The following MMP26 variants were observed in gnomAD, a reference collection of about 807,000 sequenced individuals.
MMP26 encodes the protein matrix metalloproteinase-26.
In MMP26, 33 loss-of-function variants were observed where a neutral mutation model predicts 31.0. The ratio of observed to expected loss-of-function variants is 1.06; its 90% confidence interval spans 0.81 to 1.42. The LOEUF is 1.42. MMP26 is among the 40% of genes most tolerant of loss of function. The pLI, the probability that MMP26 is intolerant of heterozygous loss-of-function variation, is 0.00. For synonymous variants in MMP26, 122 were observed against 114.9 expected (o/e 1.06, Z -0.40); for missense variants, 347 against 316.1 (o/e 1.10, Z -0.74).
intron 2 of MMP26, chr11:4,821,979 C>T (rs1179008718): frequency 6.2e-7 from 1 of 1,614,088 alleles, no homozygotes; most frequent in Admixed American, 1.7e-5. Context: ...ATGTTGATCT[C>T]ATCCAACTCT....
intron 2 of MMP26, among the ~76,000 whole-genome samples, chr11:4,838,940 C>T (rs2133487246): frequency 6.6e-6 from 1 of 152,288 alleles, no homozygotes; most frequent in Admixed American, 6.5e-5. Flanking sequence ...CTGCCCCTGT[C>T]ATCAGGCAAT....
chr11:4,978,847 T>C (rs1292867553), intron 2 of MMP26, among the ~76,000 whole-genome samples: 1 of 152,060 alleles, frequency 6.6e-6, no homozygotes, highest in Non-Finnish European at 1.5e-5. Flanking sequence ...AGGAATAATT[T>C]GCAGCATAAA....
intron 2 of MMP26, among the ~76,000 whole-genome samples, chr11:4,893,178 T>G (rs1850652912): frequency 6.6e-6 from 1 of 152,146 alleles, no homozygotes; most frequent in Non-Finnish European, 1.5e-5. Flanking sequence ...ATTTTATGTT[T>G]TATATCAAAT....
At chr11:4,813,930 A>G (rs777401795) in intron 2 of MMP26, among the ~76,000 whole-genome samples, 3 of 152,226 alleles carry the variant, frequency 2.0e-5, no homozygotes, top group African/African-American at 4.8e-5. Flanking sequence ...CCCGTAATCC[A>G]TAAAAAGGAA....
intron 1 of MMP26, among the ~76,000 whole-genome samples, chr11:4,747,559 T>C (rs1192256218): frequency 6.6e-6 from 1 of 152,142 alleles, no homozygotes; most frequent in African/African-American, 2.4e-5. Context: ...TTTTCTAAAA[T>C]ATATTTCATT....
chr11:4,774,720 G>A (rs1009169253), intron 2 of MMP26, among the ~76,000 whole-genome samples: 3 of 152,014 alleles, frequency 2.0e-5, no homozygotes, highest in African/African-American at 7.2e-5. Context: ...TGTCCTGAAT[G>A]GTATTGCCTA....
rs551576274 is a variant in MMP26 at position 4,810,564 on chromosome 11, A to G, written c.-145+43223A>G. ...GTGTGAGTTTGCACATAGAGTGTGT[A>G]CATGAGTATGTATATACAAGGAGTG... On this transcript the variant is annotated intron_variant, in intron 2 of 7. Coordinates refer to ENST00000380390, the MANE Select transcript of MMP26 (RefSeq NM_021801.5). Among the ~76,000 whole-genome samples, 8 of 152,374 alleles carry G rather than the reference A, an allele frequency of 5.3e-5. No homozygotes were observed. In the South Asian group the frequency reaches 1.4e-3, roughly 28 times the overall value.
intron 2 of MMP26, among the ~76,000 whole-genome samples, chr11:4,900,138 G>T (rs1850779094): frequency 6.6e-6 from 1 of 152,134 alleles, no homozygotes; most frequent in Non-Finnish European, 1.5e-5. Context: ...CTTTTGAGTG[G>T]TGTAGCCCAT....
chr11:4,853,460 A>C (rs1218130686), intron 2 of MMP26, among the ~76,000 whole-genome samples: 1 of 152,162 alleles, frequency 6.6e-6, no homozygotes, highest in Non-Finnish European at 1.5e-5. Flanking sequence ...AAAATTGAAA[A>C]CCCTTAGCAA....
intron 2 of MMP26, among the ~76,000 whole-genome samples, chr11:4,919,647 T>A (rs73405100): frequency 0.049 from 7,427 of 152,218 alleles, 634 homozygotes; most frequent in African/African-American, 0.17. Flanking sequence ...CTATTGATAA[T>A]GTTTTATGTG....
chr11:4,908,422 C>T (rs1850940047), intron 2 of MMP26: 3 of 854,398 alleles, frequency 3.5e-6, no homozygotes, highest in Non-Finnish European at 5.8e-6. Context: ...AAGTGAAAAG[C>T]TATGTAGTGC....
intron 2 of MMP26, chr11:4,944,868 G>A (rs1198585263): frequency 6.6e-6 from 1 of 151,838 alleles, no homozygotes; most frequent in Non-Finnish European, 1.5e-5. Context: ...CTACCTTGAA[G>A]AAATATTACT....
At chr11:4,856,136 A>G (rs1344875765) in intron 2 of MMP26, among the ~76,000 whole-genome samples, 4 of 152,220 alleles carry the variant, frequency 2.6e-5, no homozygotes, top group East Asian at 1.9e-4. Context: ...TGTAAAGACC[A>G]TCGATGCTAG....
intron 2 of MMP26, chr11:4,822,443 C>G: frequency 7.3e-7 from 1 of 1,373,992 alleles, no homozygotes; most frequent in South Asian, 2.4e-5. Context: ...GTAATTGTCC[C>G]AAAGTGCCCA....
In MMP26 at chr11:4,924,084, T is replaced by C. The variant is rs762060253; in HGVS notation, c.-144-63984T>C. ...ATCTCTCTGGTATCAAACCAGAAAA[T>C]GCCCAGCACAGTGGGCAGTGTGGAA... On this transcript the variant is annotated intron_variant, in intron 2 of 7. Coordinates refer to ENST00000380390, the MANE Select transcript of MMP26 (RefSeq NM_021801.5). 1.2e-4 allele frequency: 200 copies of C among 1,613,900 alleles called. No individual in the cohort carries two copies. The highest frequency in any genetic ancestry group is 1.2e-4 in the Non-Finnish European group (139 of 1,179,988).
chr11:4,769,975 C>T (rs1191839049), intron 2 of MMP26: 2 of 818,806 alleles, frequency 2.4e-6, no homozygotes, highest in East Asian at 2.6e-5. Flanking sequence ...AGAAGTGATA[C>T]ATTAAGTGTT....
At chr11:4,736,039 A>C (rs1005219022) in intron 1 of MMP26, 1 of 152,150 alleles carries the variant, frequency 6.6e-6, no homozygotes, top group East Asian at 1.9e-4. Context: ...TGCATCCCCT[A>C]TGCAACCTTC....
At chr11:4,849,831 C>T (rs1263949980) in intron 2 of MMP26, among the ~76,000 whole-genome samples, 2 of 152,090 alleles carry the variant, frequency 1.3e-5, no homozygotes, top group African/African-American at 2.4e-5. Context: ...ATGATTTATA[C>T]ATGGGTATTT....
chr11:4,760,889 G>A (rs1056425448), intron 1 of MMP26, among the ~76,000 whole-genome samples: 1 of 152,178 alleles, frequency 6.6e-6, no homozygotes, highest in Admixed American at 6.5e-5. Flanking sequence ...GCCAGTGACT[G>A]TATTTTGGGA....
Sources: gnomAD v4.1 joint callset for allele counts (sites outside exome capture counted in the v4.1 genomes callset) on GRCh38, gnomAD v4.1.1 for gene constraint, MANE v1.5 for transcripts, NCBI Gene and HGNC (gene_info 2026-07-23, HGNC 2026-07-21) for gene names.